Variants in LRMDA observed in about 807,000 individuals in gnomAD.
LRMDA encodes leucine rich melanocyte differentiation associated, also known as leucine-rich melanocyte differentiation-associated protein.
A neutral mutation model predicts 29.8 loss-of-function variants in LRMDA; 18 were observed. That is an observed-to-expected ratio of 0.60 (90% CI 0.42 to 0.90). The LOEUF (loss-of-function observed/expected upper bound fraction) is 0.90, where lower values mean the gene tolerates loss of function less well. Ranked by LOEUF, LRMDA falls within the 40% of genes least tolerant of loss-of-function variation. The pLI, the probability that LRMDA is intolerant of heterozygous loss-of-function variation, is 0.00. For missense variants in LRMDA, 273 were observed against 273.9 expected (o/e 1.00, Z 0.02); for synonymous variants, 125 against 109.4 (o/e 1.14, Z -0.89).
chr10:76,072,729 T>A (rs1308012432), intron 5 of LRMDA, among the ~76,000 whole-genome samples: 1 of 152,236 alleles, frequency 6.6e-6, no homozygotes, highest in Non-Finnish European at 1.5e-5. Flanking sequence ...ACTTTCCTGT[T>A]CCCAGAGATG....
At chr10:76,308,103 A>C in intron 5 of LRMDA, among the ~76,000 whole-genome samples, 1 of 152,136 alleles carries the variant, frequency 6.6e-6, no homozygotes, top group East Asian at 1.9e-4. Context: ...TAAATAACAA[A>C]CCAACCCTAC....
At chr10:76,267,362 A>G (rs964614548) in intron 5 of LRMDA, among the ~76,000 whole-genome samples, 28 of 152,200 alleles carry the variant, frequency 1.8e-4, no homozygotes, top group African/African-American at 6.8e-4. Context: ...ACTTGTAAGC[A>G]TAAAATTCAG....
At chr10:76,434,159 T>TTCTA (rs901530924) in intron 6 of LRMDA, among the ~76,000 whole-genome samples, 10 of 152,062 alleles carry the variant, frequency 6.6e-5, no homozygotes, top group African/African-American at 2.4e-4. Context: ...CTTTCTTTCT[T>TTCTA]TTTTGTATTC....
chr10:76,284,765 G>A (rs1045299681), intron 5 of LRMDA, among the ~76,000 whole-genome samples: 1 of 152,104 alleles, frequency 6.6e-6, no homozygotes, highest in Non-Finnish European at 1.5e-5. Context: ...AATCTTGAGG[G>A]TGGATTTTTC....
chr10:76,018,554 T>A (rs1847916600), intron 2 of LRMDA, among the ~76,000 whole-genome samples: 1 of 151,440 alleles, frequency 6.6e-6, no homozygotes, highest in Non-Finnish European at 1.5e-5. Context: ...CATAAAGATG[T>A]CAGGCTTCTG....
intron 2 of LRMDA, among the ~76,000 whole-genome samples, chr10:75,544,854 T>C (rs1471812804): frequency 1.3e-5 from 2 of 152,234 alleles, no homozygotes; most frequent in African/African-American, 4.8e-5. Context: ...CGTAGTGTTA[T>C]TCTCATTTAG....
In LRMDA at chr10:75,512,738, G is replaced by A. The variant is rs72807496; in HGVS notation, c.131+74244G>A. Among the ~76,000 whole-genome samples the A allele has an allele frequency of 3.4e-3, 524 of 152,244 alleles. 2 individuals carry two copies. The highest frequency in any genetic ancestry group is 5.9e-3 in the Non-Finnish European group (399 of 68,022). On this transcript the variant is annotated intron_variant, in intron 2 of 6. Transcript: ENST00000611255. Reference sequence around the variant, plus strand: ...GCATCTCTCTCTCTGCTTGATGGTTGTGTATTTAAGCAAGAGTGCATTGCC... The same window carrying A: ...GCATCTCTCTCTCTGCTTGATGGTTATGTATTTAAGCAAGAGTGCATTGCC...
intron 2 of LRMDA, among the ~76,000 whole-genome samples, chr10:75,536,332 C>T (rs940400792): frequency 6.6e-6 from 1 of 152,176 alleles, no homozygotes; most frequent in Non-Finnish European, 1.5e-5. Flanking sequence ...CCTGGCCTGG[C>T]TCTGTGCTTG....
Position 76,035,096 on chromosome 10 carries a change from GT to G in LRMDA, c.132-897del, listed in dbSNP as rs397847311. Among the ~76,000 whole-genome samples, 753 of 137,996 alleles carry G rather than the reference GT, an allele frequency of 5.5e-3. 3 individuals are homozygous for G. The highest frequency in any genetic ancestry group is 9.6e-3 in the Admixed American group (133 of 13,812). 90.5% of individuals were successfully genotyped at this position (137,996 alleles called of 152,430 possible). A position where few individuals can be genotyped will look rare whatever the true frequency, so the allele number is the denominator to read the frequency against. On this transcript the variant is annotated intron_variant, in intron 2 of 6. Coordinates refer to ENST00000611255, the MANE Select transcript of LRMDA (RefSeq NM_001305581.2). ...GCAAGGCTATTTTTCCCTTTCTGCTGTTTTTTTTTTTTTTTCCTGGAGCCGG... is the reference window on the plus strand; with the variant it reads ...GCAAGGCTATTTTTCCCTTTCTGCTGTTTTTTTTTTTTTTCCTGGAGCCGG...
intron 2 of LRMDA, among the ~76,000 whole-genome samples, chr10:75,456,685 T>G (rs1334287188): frequency 3.9e-5 from 6 of 152,332 alleles, no homozygotes; most frequent in African/African-American, 1.4e-4. Flanking sequence ...TTTATTTTAT[T>G]TTGTTTTTTG....
At chr10:76,139,023 A>C (rs1011022465) in intron 5 of LRMDA, among the ~76,000 whole-genome samples, 1 of 152,150 alleles carries the variant, frequency 6.6e-6, no homozygotes, top group African/African-American at 2.4e-5. Context: ...TGGTGTGTTC[A>C]TCTGCACCTC....
chr10:75,766,784 T>A (rs1481375485), intron 2 of LRMDA, among the ~76,000 whole-genome samples: 5 of 152,064 alleles, frequency 3.3e-5, no homozygotes. Flanking sequence ...CCTAATGCCC[T>A]CCCTCCCCTT....
At chr10:76,447,693 T>C (rs946931688) in intron 6 of LRMDA, among the ~76,000 whole-genome samples, 2 of 152,156 alleles carry the variant, frequency 1.3e-5, no homozygotes, top group Admixed American at 1.3e-4. Context: ...CATGGTGATA[T>C]AGTTCACAGC....
intron 2 of LRMDA, among the ~76,000 whole-genome samples, chr10:75,624,939 C>T (rs1324529167): frequency 6.6e-6 from 1 of 152,112 alleles, no homozygotes; most frequent in Non-Finnish European, 1.5e-5. Context: ...ATGAAAAAGC[C>T]CCATTATTAT....
At chr10:75,799,333 C>G (rs2173657) in intron 2 of LRMDA, among the ~76,000 whole-genome samples, 2 of 152,062 alleles carry the variant, frequency 1.3e-5, no homozygotes, top group Admixed American at 6.6e-5. Context: ...GTCTCTGCCT[C>G]GAAGCTTACT....
At chr10:75,609,765 C>T (rs1468618016) in intron 2 of LRMDA, among the ~76,000 whole-genome samples, 9 of 152,156 alleles carry the variant, frequency 5.9e-5, no homozygotes, top group Admixed American at 2.6e-4. Context: ...CTGCGATATG[C>T]GTGCTCTGTG....
intron 6 of LRMDA, among the ~76,000 whole-genome samples, chr10:76,556,039 A>G (rs948516394): frequency 1.3e-5 from 2 of 152,218 alleles, no homozygotes; most frequent in African/African-American, 2.4e-5. Context: ...GGCAAAAACA[A>G]AACAGATTTT....
At chr10:75,626,939 T>C (rs1285054720) in intron 2 of LRMDA, among the ~76,000 whole-genome samples, 1 of 152,216 alleles carries the variant, frequency 6.6e-6, no homozygotes, top group Non-Finnish European at 1.5e-5. Context: ...TTGACACTAA[T>C]TTACTACCAC....
rs1368638932 is a variant in LRMDA, at chr10:76,042,276, A to G, written c.259-4888A>G. On this transcript the variant is annotated intron_variant, in intron 3 of 6. Transcript: ENST00000611255. ...CCTGACTCAGCCAAAAGTATCATTTATAGTAGGTAGTTGAAAGGCTTAGGA... is the reference window on the plus strand; with the variant it reads ...CCTGACTCAGCCAAAAGTATCATTTGTAGTAGGTAGTTGAAAGGCTTAGGA... Among the ~76,000 whole-genome samples, 2 of 152,210 alleles carry G rather than the reference A, an allele frequency of 1.3e-5. 1 individual carries two copies. The highest frequency in any genetic ancestry group is 1.3e-4 in the Admixed American group (2 of 15,290).
Sources: allele counts gnomAD v4.1 joint callset (sites outside exome capture counted in the v4.1 genomes callset), GRCh38; gene constraint gnomAD v4.1.1; transcripts MANE v1.5; gene names NCBI Gene and HGNC (gene_info 2026-07-23, HGNC 2026-07-21).